Variants in GABRA2 observed in about 807,000 individuals in gnomAD.
The protein encoded by GABRA2 is gamma-aminobutyric acid receptor subunit alpha-2.
In GABRA2, 16 loss-of-function variants were observed where a neutral mutation model predicts 48.7. The observed-to-expected ratio is 0.33, with a 90% CI of 0.22 to 0.50. The LOEUF is 0.50. Among genes scored for constraint, GABRA2 ranks in the 20% least tolerant of loss-of-function variants. The probability of loss-of-function intolerance (pLI) is 0.98; values close to 1 mark genes in which losing one functional copy is unlikely to be tolerated. For missense variants in GABRA2, 275 were observed against 535.6 expected (o/e 0.51, Z 4.80); for synonymous variants, 185 against 184.5 (o/e 1.00, Z -0.02).
chr4:46,386,195 C>T lies in GABRA2; in HGVS notation c.72-6G>A. ...GGATGTTAGCCAGCACCAACCTAAA[C>T]AGATAATTTTAAAAGCTGATATATA... On this transcript the variant is annotated splice_polypyrimidine_tract_variant and splice_region_variant and intron_variant, in intron 2 of 9. Coordinates refer to ENST00000381620, the MANE Select transcript of GABRA2 (RefSeq NM_000807.4). The T allele has an allele frequency of 6.4e-7, 1 of 1,555,108 alleles. No homozygotes were observed. The highest frequency in any genetic ancestry group is 8.8e-7 in the Non-Finnish European group (1 of 1,134,056).
chr4:46,356,352 G>T (rs1329144789), intron 3 of GABRA2, among the ~76,000 whole-genome samples: 2 of 148,888 alleles, frequency 1.3e-5, no homozygotes, highest in African/African-American at 5.0e-5. Flanking sequence ...TCCCATTCAA[G>T]AATCTGTTTG....
At chr4:46,283,426 C>T (rs890777767) in intron 8 of GABRA2, among the ~76,000 whole-genome samples, 13 of 152,154 alleles carry the variant, frequency 8.5e-5, no homozygotes, top group Non-Finnish European at 1.2e-4. Context: ...GCCCATGGTG[C>T]TGCCGTACTA....
intron 3 of GABRA2, among the ~76,000 whole-genome samples, chr4:46,334,007 A>G (rs2109819849): frequency 6.6e-6 from 1 of 152,262 alleles, no homozygotes. Context: ...TAGTGCTCCA[A>G]ATAAATATGT....
chr4:46,250,590 A>T lies in GABRA2; in HGVS notation c.1074T>A (p.Ala358=). ...AAGCGTTGTTCTGTATCATAACGGA[A>T]GCCTTTTCTTTTTTCTATTGAAAAA... ...SVVNDKKKEK[A]SVMIQNNAYA... The change falls in exon 10 of 10, where the codon GCT becomes GCA. Residue 358 remains alanine (A), a synonymous_variant. Coordinates refer to ENST00000381620, the MANE Select transcript of GABRA2 (RefSeq NM_000807.4). The T allele has an allele frequency of 6.3e-7, 1 of 1,586,840 alleles. No homozygotes were observed. Among genetic ancestry groups the T allele is most frequent in the Non-Finnish European group, 8.6e-7 (1 of 1,169,102 alleles).
At chr4:46,357,012 T>G (rs1164061071) in intron 3 of GABRA2, among the ~76,000 whole-genome samples, 1 of 151,794 alleles carries the variant, frequency 6.6e-6, no homozygotes, top group Non-Finnish European at 1.5e-5. Context: ...GTTTTTGTTG[T>G]TGTTGTTTGT....
At chr4:46,266,717 TC>T (rs1423432492) in intron 8 of GABRA2, among the ~76,000 whole-genome samples, 6 of 115,834 alleles carry the variant, frequency 5.2e-5, no homozygotes, top group South Asian at 3.6e-4. Context: ...TCAAATATTC[TC>T]TTTTTTTTTT....
intron 4 of GABRA2, 43 bp from the exon 5 acceptor site, chr4:46,312,759 T>A: frequency 1.0e-6 from 1 of 1,000,924 alleles, no homozygotes; most frequent in Non-Finnish European, 1.5e-6. Flanking sequence ...GTAAATGTTG[T>A]AGACACAAGA....
At chr4:46,282,200 G>A (rs566535545) in intron 8 of GABRA2, among the ~76,000 whole-genome samples, 17 of 152,134 alleles carry the variant, frequency 1.1e-4, no homozygotes, top group African/African-American at 3.9e-4. Flanking sequence ...TCCATTGGAG[G>A]AATATTCCTC....
intron 3 of GABRA2, among the ~76,000 whole-genome samples, chr4:46,335,408 T>C (rs1354110266): frequency 6.6e-6 from 1 of 152,172 alleles, no homozygotes; most frequent in Non-Finnish European, 1.5e-5. Context: ...TACAGTCTGG[T>C]GGCAACCTGA....
intron 8 of GABRA2, among the ~76,000 whole-genome samples, chr4:46,281,035 C>G (rs1721434829): frequency 6.6e-6 from 1 of 152,106 alleles, no homozygotes; most frequent in Admixed American, 6.6e-5. Context: ...GTTTTTTAAG[C>G]CACCTTATCT....
chr4:46,349,292 A>T (rs1370127117), intron 3 of GABRA2, among the ~76,000 whole-genome samples: 1 of 151,966 alleles, frequency 6.6e-6, no homozygotes, highest in Non-Finnish European at 1.5e-5. Flanking sequence ...TTATCTTTGA[A>T]ATATGGCTTT....
chr4:46,250,861 T>G (rs1714610135), intron 9 of GABRA2, among the ~76,000 whole-genome samples: 1 of 151,554 alleles, frequency 6.6e-6, no homozygotes, highest in African/African-American at 2.4e-5. Context: ...AAATAACCAA[T>G]AGAAAAATGC....
Position 46,312,587 on chromosome 4 carries a change from GA to G in GABRA2, c.384del (p.His129ThrfsTer7). On this transcript the variant is annotated frameshift_variant, in exon 5 of 10. Transcript: ENST00000381620. LOFTEE classifies it high-confidence loss of function. Reference protein sequence around the residue: ...ASKIWTPDTFFHNGKKSVAHN... With the variant: ...ASKIWTPDTFXHNGKKSVAHN... ...TGAGCTACTGATTTTTTCCCATTGT[GA>G]AAAAAGGTATCTGGAGTCCAGATTT... is the stretch of plus-strand genomic sequence containing the variant. 3.1e-6 allele frequency: 5 copies of G among 1,594,162 alleles called. No homozygotes were observed. Among genetic ancestry groups the G allele is most frequent in the Admixed American group, 3.6e-5 (2 of 55,270 alleles).
chr4:46,254,781 T>C (rs1429232402), intron 9 of GABRA2, among the ~76,000 whole-genome samples: 1 of 151,514 alleles, frequency 6.6e-6, no homozygotes, highest in Non-Finnish European at 1.5e-5. Flanking sequence ...TAGACTTCTC[T>C]ACCTACACAT....
At chr4:46,262,292 A>T (rs958732651) in intron 8 of GABRA2, among the ~76,000 whole-genome samples, 164 bp from the exon 9 acceptor site, 9 of 152,126 alleles carry the variant, frequency 5.9e-5, no homozygotes, top group Admixed American at 1.3e-4. Context: ...TAAAGTGTAA[A>T]GTTAATTATC....
At chr4:46,278,864 T>C (rs1211215783) in intron 8 of GABRA2, among the ~76,000 whole-genome samples, 3 of 151,476 alleles carry the variant, frequency 2.0e-5, no homozygotes, top group Non-Finnish European at 4.4e-5. Context: ...GTGAGGGAAA[T>C]AGAATGAAGG....
rs989296926 is a variant in GABRA2, at chr4:46,261,714, C to T, written c.1059+212G>A. 9.8e-6 allele frequency: 6 copies of T among 610,204 alleles called. No homozygotes were observed. In the African/African-American group the frequency reaches 1.1e-4, roughly 11 times the overall value. 37.8% of individuals were successfully genotyped at this position (610,204 alleles called of 1,614,324 possible). ...AGCACAGTGCCTGACACATACAGCTCAACAGATGCTACGGAGTGGTTTTAA... is the reference window on the plus strand; with the variant it reads ...AGCACAGTGCCTGACACATACAGCTTAACAGATGCTACGGAGTGGTTTTAA... On this transcript the variant is annotated intron_variant, in intron 9 of 9. Transcript: ENST00000381620.
chr4:46,354,726 T>C (rs554979497), intron 3 of GABRA2, among the ~76,000 whole-genome samples: 1 of 152,270 alleles, frequency 6.6e-6, no homozygotes, highest in African/African-American at 2.4e-5. Context: ...AGCTACTTAC[T>C]CTCTTGATTC....
At chr4:46,308,882 G>T (rs372616301) in intron 6 of GABRA2, among the ~76,000 whole-genome samples, 1 of 148,490 alleles carries the variant, frequency 6.7e-6, no homozygotes, top group Non-Finnish European at 1.5e-5. Context: ...AAAAAAAAAA[G>T]TCCTTTTTAC....
Sources: allele counts gnomAD v4.1 joint callset (sites outside exome capture counted in the v4.1 genomes callset), GRCh38; gene constraint gnomAD v4.1.1; transcripts MANE v1.5; gene names NCBI Gene and HGNC (gene_info 2026-07-23, HGNC 2026-07-21).